Variants in EPSTI1 observed in about 807,000 individuals in gnomAD.
The protein encoded by EPSTI1 is epithelial stromal interaction 1, also known as epithelial-stromal interaction protein 1.
Under a neutral mutation model 49.9 loss-of-function variants are expected in EPSTI1, and 66 were observed. The ratio of observed to expected loss-of-function variants is 1.32; its 90% CI spans 1.08 to 1.62. The LOEUF (loss-of-function observed/expected upper bound fraction) is 1.62, where lower values mean the gene tolerates loss of function less well. Ranked by LOEUF, EPSTI1 falls within the 40% of genes most tolerant of loss-of-function variation. The probability of loss-of-function intolerance (pLI) is 0.00; values close to 1 mark genes in which losing one functional copy is unlikely to be tolerated. For missense variants in EPSTI1, 394 were observed against 365.5 expected, an observed-to-expected ratio of 1.08 and a Z score of -0.64; for synonymous variants, 137 against 130.7, an observed-to-expected ratio of 1.05 and a Z score of -0.33.
chr13:42,929,968 T>C (rs922840451), intron 6 of EPSTI1, among the ~76,000 whole-genome samples: 1 of 152,204 alleles, frequency 6.6e-6, no homozygotes, highest in Admixed American at 6.5e-5. Flanking sequence ...TGGTGCTTCC[T>C]AGAAATTACT....
chr13:42,989,620 G>A (rs561233234), intron 1 of EPSTI1, among the ~76,000 whole-genome samples: 61 of 41,348 alleles, frequency 1.5e-3, no homozygotes, highest in African/African-American at 3.8e-3. Context: ...TTGAGACAGA[G>A]TCTCACTCTG....
chr13:42,991,615 A>G (rs572153797), intron 1 of EPSTI1, among the ~76,000 whole-genome samples: 2 of 152,342 alleles, frequency 1.3e-5, no homozygotes, highest in South Asian at 4.1e-4. Context: ...CAGTAAGGGA[A>G]AAGTTATTTC....
chr13:42,894,433 G>A (rs1415691099), intron 10 of EPSTI1, among the ~76,000 whole-genome samples: 1 of 152,080 alleles, frequency 6.6e-6, no homozygotes, highest in Non-Finnish European at 1.5e-5. Flanking sequence ...CCAAAGCTTT[G>A]GTGCTCGTTC....
rs573601805 is a variant in EPSTI1, at chr13:42,944,469, C to T, written c.563+9479G>A. ...TCATTCATAAGTGGGAGTTGAACAACGAGAACACATGGACACAGGGAGGGG... is the reference window on the plus strand; with the variant it reads ...TCATTCATAAGTGGGAGTTGAACAATGAGAACACATGGACACAGGGAGGGG... On this transcript the variant is annotated intron_variant, in intron 6 of 10. Transcript: ENST00000313624. 4.0e-5 allele frequency among the ~76,000 whole-genome samples: 6 copies of T among 151,828 alleles called. No individual in the cohort carries two copies. The East Asian group carries it at 5.8e-4, about 15-fold the overall frequency.
At chr13:42,970,485 A>T in intron 2 of EPSTI1, 127 bp downstream of exon 2, 1 of 783,694 alleles carries the variant, frequency 1.3e-6, no homozygotes, top group South Asian at 2.5e-5. Context: ...AAACTAAAAA[A>T]AACAAAAAAC....
chr13:42,974,551 T>C (rs926575649), intron 1 of EPSTI1, among the ~76,000 whole-genome samples: 3 of 149,544 alleles, frequency 2.0e-5, no homozygotes, highest in Admixed American at 6.7e-5. Flanking sequence ...TCCAGCTACT[T>C]GGGAGGCTGA....
intron 1 of EPSTI1, among the ~76,000 whole-genome samples, chr13:42,986,705 A>G (rs900562149): frequency 4.4e-5 from 6 of 136,150 alleles, no homozygotes; most frequent in Non-Finnish European, 1.5e-5. Flanking sequence ...AGATCACGCC[A>G]CTGCACTACA....
chr13:42,952,009 C>T (rs1382325698), intron 6 of EPSTI1, among the ~76,000 whole-genome samples: 1 of 152,148 alleles, frequency 6.6e-6, no homozygotes, highest in Non-Finnish European at 1.5e-5. Flanking sequence ...TGCTCTGTGG[C>T]TAGCAAGAGG....
rs531178417 is a variant in EPSTI1 at position 42,948,295 on chromosome 13, G to A, written c.563+5653C>T. Among the ~76,000 whole-genome samples the A allele has an allele frequency of 4.6e-5, 7 of 152,360 alleles. No homozygotes were observed. In the East Asian group the frequency reaches 1.4e-3, roughly 29 times the overall value. On this transcript the variant is annotated intron_variant, in intron 6 of 10. Transcript: ENST00000313624. Reference sequence around the variant, plus strand: ...CCCTGCCAGTGCACAGCCATGGCAAGGGCTCCAGGTGCCTGCAGAGCAGAG... The same window carrying A: ...CCCTGCCAGTGCACAGCCATGGCAAAGGCTCCAGGTGCCTGCAGAGCAGAG...
At chr13:42,939,393 G>C (rs557411021) in intron 6 of EPSTI1, among the ~76,000 whole-genome samples, 2 of 152,006 alleles carry the variant, frequency 1.3e-5, no homozygotes, top group East Asian at 1.9e-4. Context: ...CCTCCGCACA[G>C]AGCTTAGTCA....
chr13:42,886,461 TAACA>T lies in EPSTI1; in HGVS notation c.*2029_*2032del, dbSNP rs1380653686. 5 of 151,966 alleles carry T rather than the reference TAACA, an allele frequency of 3.3e-5. No individual in the cohort carries two copies. The highest frequency in any genetic ancestry group is 1.5e-5 in the Non-Finnish European group (1 of 67,996). 9.4% of individuals were successfully genotyped at this position (151,966 alleles called of 1,614,324 possible). A position where few individuals can be genotyped will look rare whatever the true frequency, so the allele number is the denominator to read the frequency against. On this transcript the variant is annotated 3_prime_UTR_variant, in exon 11 of 11. Transcript: ENST00000313624. Reference sequence around the variant, plus strand: ...ACACCTGTATTGCCTAAAGTTTCTATAACAAACATCTTACATTGGAACGATTTTC... The same window carrying T: ...ACACCTGTATTGCCTAAAGTTTCTATAACATCTTACATTGGAACGATTTTC...
At chr13:42,902,934 C>G (rs1161656524) in intron 8 of EPSTI1, among the ~76,000 whole-genome samples, 1 of 152,158 alleles carries the variant, frequency 6.6e-6, no homozygotes. Context: ...ATAAAGTATA[C>G]ACAGTCATGT....
intron 7 of EPSTI1, among the ~76,000 whole-genome samples, chr13:42,919,580 G>A (rs2037935389): frequency 6.6e-6 from 1 of 152,118 alleles, no homozygotes; most frequent in Non-Finnish European, 1.5e-5. Context: ...ACTGTGTCAG[G>A]ACACGATCCC....
Position 42,970,672 on chromosome 13 carries a change from T to C in EPSTI1, c.189-2A>G. The C allele has an allele frequency of 1.3e-6, 2 of 1,589,796 alleles. No homozygotes were observed. Among genetic ancestry groups the C allele is most frequent in the Non-Finnish European group, 1.7e-6 (2 of 1,172,560 alleles). Reference sequence around the variant, plus strand: ...GCTATCAAGGTGTATGCACTTGTGCTAAAAGGAAGAGAAAAAAAAATGCTT... The same window carrying C: ...GCTATCAAGGTGTATGCACTTGTGCCAAAAGGAAGAGAAAAAAAAATGCTT... On this transcript the variant is annotated splice_acceptor_variant, in intron 1 of 10. Coordinates refer to ENST00000313624, the MANE Select transcript of EPSTI1 (RefSeq NM_033255.5). LOFTEE classifies it high-confidence loss of function.
chr13:42,937,712 C>T (rs1432939986), intron 6 of EPSTI1, among the ~76,000 whole-genome samples: 1 of 152,206 alleles, frequency 6.6e-6, no homozygotes, highest in Non-Finnish European at 1.5e-5. Context: ...GCTATTTCCA[C>T]ATCTGCAAGA....
At chr13:42,917,472 G>A (rs934406522) in intron 8 of EPSTI1, 69 bp downstream of exon 8, 2 of 1,313,508 alleles carry the variant, frequency 1.5e-6, no homozygotes, top group African/African-American at 3.0e-5. Context: ...TTTCTGTTCA[G>A]AAATTCTTCA....
intron 1 of EPSTI1, among the ~76,000 whole-genome samples, chr13:42,983,446 C>T (rs1166008970): frequency 6.6e-6 from 1 of 151,772 alleles, no homozygotes; most frequent in Non-Finnish European, 1.5e-5. Context: ...CACCTGTAAT[C>T]CCAGCTACTC....
At chr13:42,941,936 C>A (rs182735608) in intron 6 of EPSTI1, among the ~76,000 whole-genome samples, 247 of 152,162 alleles carry the variant, frequency 1.6e-3, no homozygotes, top group South Asian at 7.2e-3. Context: ...TTCACTTGGT[C>A]TGTTAATTTC....
chr13:42,919,261 T>C (rs182291315), intron 7 of EPSTI1: 3 of 1,607,746 alleles, frequency 1.9e-6, no homozygotes, highest in South Asian at 1.1e-5. Flanking sequence ...TCCAAACTTA[T>C]GAAAAGTTCA....
Sources: gnomAD v4.1 joint callset for allele counts (sites outside exome capture counted in the v4.1 genomes callset) on GRCh38, gnomAD v4.1.1 for gene constraint, MANE v1.5 for transcripts, NCBI Gene and HGNC (gene_info 2026-07-23, HGNC 2026-07-21) for gene names.